Variants in UNC13C observed in about 807,000 individuals in gnomAD.
UNC13C encodes protein unc-13 homolog C.
A neutral mutation model predicts 245.4 loss-of-function variants in UNC13C; 174 were observed. The ratio of observed to expected loss-of-function variants is 0.71; its 90% CI spans 0.63 to 0.80. UNC13C has a LOEUF of 0.80. UNC13C is among the 30% of genes least tolerant of loss of function. The probability of loss-of-function intolerance (pLI) is 0.00; values close to 1 mark genes in which losing one functional copy is unlikely to be tolerated. For synonymous variants in UNC13C, 992 were observed against 895.1 expected, an observed-to-expected ratio of 1.11 and a Z score of -1.93; for missense variants, 2,829 against 2,602.9, an observed-to-expected ratio of 1.09 and a Z score of -1.89.
intron 10 of UNC13C, among the ~76,000 whole-genome samples, chr15:54,284,841 ATTC>A (rs1328272037): frequency 3.3e-5 from 5 of 152,096 alleles, no homozygotes; most frequent in Non-Finnish European, 7.4e-5. Context: ...TACTGTTATT[ATTC>A]AACTGTTTTA....
At chr15:54,005,369 A>G (rs1895087892) in intron 1 of UNC13C, among the ~76,000 whole-genome samples, 1 of 152,110 alleles carries the variant, frequency 6.6e-6, no homozygotes, top group African/African-American at 2.4e-5. Context: ...AGGGCTCTAA[A>G]ACCGGTCACG....
chr15:54,479,772 T>A (rs2141060294), intron 19 of UNC13C, among the ~76,000 whole-genome samples: 1 of 152,258 alleles, frequency 6.6e-6, no homozygotes, highest in Admixed American at 6.5e-5. Context: ...TTTGTTTTCA[T>A]TATGGTAGAT....
At chr15:54,338,010 T>C (rs1225287556) in intron 16 of UNC13C, among the ~76,000 whole-genome samples, 1 of 152,118 alleles carries the variant, frequency 6.6e-6, no homozygotes, top group East Asian at 1.9e-4. Context: ...CTTAAGCCCA[T>C]GAGGAAAGGG....
chr15:54,459,702 T>C (rs530687124), intron 19 of UNC13C, among the ~76,000 whole-genome samples: 21 of 152,232 alleles, frequency 1.4e-4, no homozygotes, highest in Non-Finnish European at 2.8e-4. Context: ...CTTTCCAGTG[T>C]ATTTTGCATT....
chr15:53,964,671 G>A, the UNC13C span, among the ~76,000 whole-genome samples: 1 of 152,090 alleles, frequency 6.6e-6, no homozygotes, highest in African/African-American at 2.4e-5. Flanking sequence ...ACCTACCCGA[G>A]CCAGAAATCT....
the UNC13C span, among the ~76,000 whole-genome samples, chr15:53,968,632 C>T: frequency 7.2e-5 from 11 of 152,098 alleles, no homozygotes; most frequent in Admixed American, 4.6e-4. Flanking sequence ...CAGGGTCTCA[C>T]AAGGTCCTGC....
intron 28 of UNC13C, among the ~76,000 whole-genome samples, chr15:54,552,650 A>G (rs1187769149): frequency 1.3e-5 from 1 of 77,374 alleles, no homozygotes; most frequent in Non-Finnish European, 2.1e-5. Context: ...ATATAATTAT[A>G]TAATTATATT....
At chr15:54,507,378 A>C (rs1039122915) in intron 23 of UNC13C, among the ~76,000 whole-genome samples, 184 bp downstream of exon 23, 4 of 152,096 alleles carry the variant, frequency 2.6e-5, no homozygotes, top group African/African-American at 9.7e-5. Flanking sequence ...ATTTACAGGA[A>C]GGTAGAGAGT....
intron 2 of UNC13C, among the ~76,000 whole-genome samples, chr15:54,096,836 A>G (rs1388982681): frequency 1.3e-5 from 2 of 152,184 alleles, no homozygotes; most frequent in African/African-American, 2.4e-5. Flanking sequence ...TTCTCTCTCT[A>G]TATGTATGTA....
rs796773674 is a variant in UNC13C, at chr15:54,309,515, C to T, written c.4268+9142C>T. 3.1e-4 allele frequency among the ~76,000 whole-genome samples: 47 copies of T among 151,954 alleles called. 1 individual carries two copies. Among genetic ancestry groups the T allele is most frequent in the African/African-American group, 1.1e-3 (46 of 41,524 alleles). ...AAGAAGCTTTTTAGGTTAATTCAAT[C>T]CCATTGTCTATTTTTGCTTTTGTTG... is the stretch of plus-strand genomic sequence containing the variant. On this transcript the variant is annotated intron_variant, in intron 13 of 32. Transcript: ENST00000260323.
intron 2 of UNC13C, among the ~76,000 whole-genome samples, chr15:54,074,947 C>A (rs1052413380): frequency 8.5e-5 from 13 of 152,074 alleles, no homozygotes; most frequent in African/African-American, 2.9e-4. Context: ...TTTCTATTCT[C>A]AGTTCTTCAA....
intron 4 of UNC13C, among the ~76,000 whole-genome samples, chr15:54,159,621 A>G (rs1027030254): frequency 6.6e-6 from 1 of 152,204 alleles, no homozygotes; most frequent in Non-Finnish European, 1.5e-5. Flanking sequence ...TTAAGGGCCT[A>G]CTTCTGGCAT....
chr15:54,104,152 T>A (rs1900315050), intron 2 of UNC13C, among the ~76,000 whole-genome samples: 1 of 152,276 alleles, frequency 6.6e-6, no homozygotes, highest in Admixed American at 6.5e-5. Context: ...GGATACTTGC[T>A]GTACCTGCTT....
the UNC13C span, among the ~76,000 whole-genome samples, chr15:53,895,848 A>G: frequency 2.0e-5 from 3 of 152,066 alleles, no homozygotes; most frequent in Non-Finnish European, 4.4e-5. Flanking sequence ...ACATTAATCC[A>G]TTGTTCAATC....
the UNC13C span, among the ~76,000 whole-genome samples, chr15:53,944,475 C>A: frequency 7.2e-5 from 11 of 152,246 alleles, no homozygotes; most frequent in South Asian, 1.4e-3. Flanking sequence ...GTGTTCTCAT[C>A]ATTTAGCTCC....
intron 4 of UNC13C, among the ~76,000 whole-genome samples, chr15:54,212,402 C>A (rs776857595): frequency 3.9e-5 from 6 of 152,080 alleles, no homozygotes; most frequent in Non-Finnish European, 5.9e-5. Flanking sequence ...TGATTCTTAT[C>A]TAAGTCCAGA....
intron 2 of UNC13C, among the ~76,000 whole-genome samples, chr15:54,041,939 T>G (rs567169823): frequency 6.6e-6 from 1 of 152,226 alleles, no homozygotes; most frequent in Admixed American, 6.5e-5. Flanking sequence ...AAGATTTGTG[T>G]AATGTTTCAC....
chr15:54,077,560 G>A (rs182547566), intron 2 of UNC13C, among the ~76,000 whole-genome samples: 12 of 151,292 alleles, frequency 7.9e-5, no homozygotes, highest in African/African-American at 2.7e-4. Flanking sequence ...TGCATTTTTA[G>A]TATAGACTGC....
chr15:54,607,463 T>C (rs1288154615), intron 30 of UNC13C, among the ~76,000 whole-genome samples: 1 of 152,178 alleles, frequency 6.6e-6, no homozygotes, highest in Non-Finnish European at 1.5e-5. Flanking sequence ...AGTTTGAATT[T>C]AGGAGATTGT....
Sources: allele counts gnomAD v4.1 joint callset (sites outside exome capture counted in the v4.1 genomes callset), GRCh38; gene constraint gnomAD v4.1.1; transcripts MANE v1.5; gene names NCBI Gene and HGNC (gene_info 2026-07-23, HGNC 2026-07-21).